BST1: variants seen among roughly 807,000 people sequenced by gnomAD.
BST1 encodes the protein ADP-ribosyl cyclase/cyclic ADP-ribose hydrolase 2.
BST1 carries 49 observed loss-of-function variants against 40.6 expected under a neutral mutation model. That is an observed-to-expected ratio of 1.21 (90% confidence interval 0.96 to 1.53). The LOEUF is 1.53. BST1 is among the 40% of genes most tolerant of loss of function. The pLI, the probability that BST1 is intolerant of heterozygous loss-of-function variation, is 0.00. For synonymous variants in BST1, 157 were observed against 159.3 expected (o/e 0.99, Z 0.11); for missense variants, 423 against 395.9 (o/e 1.07, Z -0.58).
At chr4:15,722,827 G>T (rs1175857349) in intron 7 of BST1, 48 bp from the exon 8 acceptor site, 6 of 1,549,534 alleles carry the variant, frequency 3.9e-6, no homozygotes, top group African/African-American at 1.4e-5. Context: ...ATGGTTGATG[G>T]ATGAAAGTTA....
intron 8 of BST1, among the ~76,000 whole-genome samples, chr4:15,725,766 T>C (rs6828144): frequency 0.1 from 15,774 of 152,060 alleles, 1,637 homozygotes; most frequent in East Asian, 0.26. Flanking sequence ...AGTCAGATGA[T>C]CTGAAATTGT....
In BST1 at chr4:15,722,941, A is replaced by G. The variant is rs199653253; in HGVS notation, c.851+7A>G. The G allele has an allele frequency of 6.2e-7, 1 of 1,612,998 alleles. No homozygotes were observed. The highest frequency in any genetic ancestry group is 1.3e-5 in the African/African-American group (1 of 75,022). ...CTGACTGTGCCTTAAAGTCGTAAGT[A>G]AATGTCTTAACCCAAATCGTTCTTT... On this transcript the variant is annotated splice_region_variant and intron_variant, in intron 8 of 8. Transcript: ENST00000265016.
At chr4:15,742,844 G>A (rs1452254690), downstream of BST1, among the ~76,000 whole-genome samples, 1 of 152,262 alleles carries the variant, frequency 6.6e-6, no homozygotes, top group Non-Finnish European at 1.5e-5. Flanking sequence ...GATTGTATCT[G>A]AGACAGAAGG....
At chr4:15,722,241 T>C (rs1336960338) in intron 7 of BST1, among the ~76,000 whole-genome samples, 2 of 152,240 alleles carry the variant, frequency 1.3e-5, no homozygotes, top group African/African-American at 4.8e-5. Context: ...AGTTCAGCCC[T>C]TCAACTTGCT....
chr4:15,749,896 C>T, the BST1 span, among the ~76,000 whole-genome samples: 1 of 150,800 alleles, frequency 6.6e-6, no homozygotes, highest in African/African-American at 2.4e-5. Context: ...TATAGTCACC[C>T]TATTGTGTTA....
chr4:15,770,627 G>A, the BST1 span, among the ~76,000 whole-genome samples: 30 of 152,250 alleles, frequency 2.0e-4, 1 homozygote, highest in Non-Finnish European at 3.2e-4. Context: ...TTGAGCCCGG[G>A]AGGCAGAGGT....
downstream of BST1, among the ~76,000 whole-genome samples, chr4:15,735,779 G>T (rs1721537586): frequency 6.6e-6 from 1 of 152,158 alleles, no homozygotes. Flanking sequence ...TGTTGCCTGG[G>T]TTACCAGGCG....
At chr4:15,737,831 G>A (rs1721626660) in exon 7 of BST1, 1 of 1,285,412 alleles carries the variant, frequency 7.8e-7, no homozygotes, top group African/African-American at 1.5e-5. Context: ...CTGTCAGAGA[G>A]TCCAAAGATG....
chr4:15,747,093 A>G, the BST1 span, among the ~76,000 whole-genome samples: 5 of 152,136 alleles, frequency 3.3e-5, no homozygotes, highest in African/African-American at 1.2e-4. Context: ...CTCTCCCTTA[A>G]GTGATTAAAT....
At chr4:15,761,927 C>T in the BST1 span, among the ~76,000 whole-genome samples, 1 of 151,766 alleles carries the variant, frequency 6.6e-6, no homozygotes, top group African/African-American at 2.4e-5. Context: ...CGGCCGGGCG[C>T]GGTGGCTCAT....
chr4:15,735,421 G>A (rs1390031254), downstream of BST1, among the ~76,000 whole-genome samples: 1 of 152,174 alleles, frequency 6.6e-6, no homozygotes, highest in Non-Finnish European at 1.5e-5. Flanking sequence ...AAAACAGAGG[G>A]TGGGGGATTC....
chr4:15,740,837 G>T (rs1721725057), downstream of BST1, among the ~76,000 whole-genome samples: 1 of 152,066 alleles, frequency 6.6e-6, no homozygotes, highest in Admixed American at 6.5e-5. Context: ...GAATCCCTCA[G>T]ATTTTAGGCC....
exon 7 of BST1, chr4:15,738,304 A>G (rs561011935): frequency 3.9e-5 from 6 of 152,538 alleles, no homozygotes; most frequent in Admixed American, 2.6e-4. Context: ...GCCTATTCAA[A>G]AAAATGAAAG....
chr4:15,761,851 T>C, the BST1 span, among the ~76,000 whole-genome samples: 1 of 152,006 alleles, frequency 6.6e-6, no homozygotes, highest in Non-Finnish European at 1.5e-5. Context: ...GAGTGAGCTT[T>C]TGTTACATGA....
At chr4:15,768,741 C>A in the BST1 span, among the ~76,000 whole-genome samples, 1 of 152,084 alleles carries the variant, frequency 6.6e-6, no homozygotes, top group Non-Finnish European at 1.5e-5. Flanking sequence ...CATGATCCAC[C>A]CGCCTCAGCC....
intron 2 of BST1, among the ~76,000 whole-genome samples, chr4:15,707,184 A>G (rs988423673): frequency 1.3e-5 from 2 of 152,188 alleles, no homozygotes; most frequent in African/African-American, 2.4e-5. Context: ...TCAAGATTAC[A>G]TATCTAATAC....
At chr4:15,706,920 A>G (rs144885287) in intron 2 of BST1, among the ~76,000 whole-genome samples, 120 of 152,370 alleles carry the variant, frequency 7.9e-4, no homozygotes, top group African/African-American at 2.8e-3. Context: ...TAGTCTAAAT[A>G]TAAACTGATT....
the BST1 span, among the ~76,000 whole-genome samples, chr4:15,752,709 G>A: frequency 3.9e-5 from 6 of 152,196 alleles, no homozygotes; most frequent in Middle Eastern, 3.4e-3. Flanking sequence ...CAAAGGCCCC[G>A]TGGTAGCCAT....
At chr4:15,710,507 A>G (rs561375116) in intron 3 of BST1, among the ~76,000 whole-genome samples, 1 of 152,078 alleles carries the variant, frequency 6.6e-6, no homozygotes, top group African/African-American at 2.4e-5. Context: ...TGGCCACTCT[A>G]TTGTGCATTA....
Sources: allele counts gnomAD v4.1 joint callset (sites outside exome capture counted in the v4.1 genomes callset), GRCh38; gene constraint gnomAD v4.1.1; transcripts MANE v1.5; gene names NCBI Gene and HGNC (gene_info 2026-07-23, HGNC 2026-07-21).